Variants in CSMD1 observed in about 807,000 individuals in gnomAD.
CSMD1 encodes the protein CUB and sushi domain-containing protein 1.
A neutral mutation model predicts 417.5 loss-of-function variants in CSMD1; 213 were observed. The ratio of observed to expected loss-of-function variants is 0.51; its 90% CI spans 0.46 to 0.57. The LOEUF is 0.57. Among genes scored for constraint, CSMD1 ranks in the 20% least tolerant of loss-of-function variants. The probability of loss-of-function intolerance (pLI) is 0.00; values close to 1 mark genes in which losing one functional copy is unlikely to be tolerated. For missense variants in CSMD1, 6,923 were observed against 4,529.7 expected, an observed-to-expected ratio of 1.53 and a Z score of -15.17; for synonymous variants, 2,862 against 1,736.8, an observed-to-expected ratio of 1.65 and a Z score of -16.11.
intron 26 of CSMD1, among the ~76,000 whole-genome samples, chr8:3,260,456 A>G (rs1417813856): frequency 6.6e-6 from 1 of 151,978 alleles, no homozygotes. Flanking sequence ...CTCAGCCCAG[A>G]CTCCAGAGGA....
chr8:4,188,884 T>G (rs961065708), intron 3 of CSMD1, among the ~76,000 whole-genome samples: 4 of 152,066 alleles, frequency 2.6e-5, no homozygotes, highest in African/African-American at 9.7e-5. Context: ...TCTATGGATC[T>G]GCCTGATGAA....
Position 4,892,409 on chromosome 8 carries a change from C to T in CSMD1, c.85+101923G>A, listed in dbSNP as rs138506745. On this transcript the variant is annotated intron_variant, in intron 1 of 69. Transcript: ENST00000635120. ...TGAGAATCCTGAGCTTACAGCCCTG[C>T]GTCCTGTGTCCCTCTACTGCAAATA... 3.1e-3 allele frequency among the ~76,000 whole-genome samples: 478 copies of T among 152,088 alleles called. 4 individuals carry two copies. The Middle Eastern group carries it at 0.054, about 17-fold the overall frequency.
intron 2 of CSMD1, among the ~76,000 whole-genome samples, chr8:4,454,573 T>G (rs142269549): frequency 1.8e-4 from 28 of 152,152 alleles, no homozygotes; most frequent in African/African-American, 6.8e-4. Flanking sequence ...GTAGACCCAA[T>G]GCAGCACTGA....
chr8:3,278,764 C>G (rs1221277596), intron 26 of CSMD1: 1 of 152,058 alleles, frequency 6.6e-6, no homozygotes, highest in Non-Finnish European at 1.5e-5. Context: ...GTGTGATGGA[C>G]AGGCTGTTTT....
intron 5 of CSMD1, 105 bp downstream of exon 5, chr8:3,997,798 G>T (rs1585104195): frequency 9.9e-7 from 1 of 1,007,038 alleles, no homozygotes; most frequent in Non-Finnish European, 1.5e-6. Context: ...GAACACACAT[G>T]CTTGCCCATG....
chr8:3,880,215 T>C (rs1029050982), intron 5 of CSMD1, among the ~76,000 whole-genome samples: 4 of 152,166 alleles, frequency 2.6e-5, no homozygotes, highest in Non-Finnish European at 4.4e-5. Context: ...AATAATGCAA[T>C]TTCAGGTGCA....
rs191372954 is a variant in CSMD1 at position 4,584,505 on chromosome 8, C to T, written c.302+52837G>A. Among the ~76,000 whole-genome samples the T allele has an allele frequency of 7.3e-5, 11 of 150,978 alleles. 1 individual carries two copies. The East Asian group carries it at 2.1e-3, about 29-fold the overall frequency. On this transcript the variant is annotated intron_variant, in intron 2 of 69. Transcript: ENST00000635120. Reference sequence around the variant, plus strand: ...GTGTCAGGCTTTCTGGGAAAGGGCTCTCTAACAACCCCCAACTCTTCGGAG... The same window carrying T: ...GTGTCAGGCTTTCTGGGAAAGGGCTTTCTAACAACCCCCAACTCTTCGGAG...
chr8:3,931,750 G>T lies in CSMD1; in HGVS notation c.818+66153C>A, dbSNP rs2554660. On this transcript the variant is annotated intron_variant, in intron 5 of 69. Transcript: ENST00000635120. ...GCTTTAATCTCAATCCACACCAGAG[G>T]AAACAAGGTGAGCAAGGAGCACCTA... is the stretch of plus-strand genomic sequence containing the variant. Among the ~76,000 whole-genome samples, 3 of 147,744 alleles carry T rather than the reference G, an allele frequency of 2.0e-5. No individual in the cohort carries two copies. In the East Asian group the frequency reaches 6.1e-4, roughly 30 times the overall value.
At chr8:3,204,033 T>A (rs1585645392) in intron 31 of CSMD1, among the ~76,000 whole-genome samples, 3 of 152,328 alleles carry the variant, frequency 2.0e-5, no homozygotes, top group Admixed American at 2.0e-4. Flanking sequence ...GTTTAGTTAA[T>A]TAGTTTATTT....
intron 5 of CSMD1, among the ~76,000 whole-genome samples, chr8:3,862,702 T>C (rs1054920486): frequency 6.6e-6 from 1 of 152,188 alleles, no homozygotes; most frequent in Admixed American, 6.5e-5. Flanking sequence ...GGAATTCAAA[T>C]GATCTCCAAA....
At chr8:3,669,314 T>G (rs941714579) in intron 7 of CSMD1, among the ~76,000 whole-genome samples, 1 of 152,174 alleles carries the variant, frequency 6.6e-6, no homozygotes, top group Non-Finnish European at 1.5e-5. Flanking sequence ...CCTGTTTGTG[T>G]GAGCAATTAT....
intron 7 of CSMD1, among the ~76,000 whole-genome samples, chr8:3,685,636 C>G (rs1329620686): frequency 6.6e-6 from 1 of 152,136 alleles, no homozygotes; most frequent in Non-Finnish European, 1.5e-5. Flanking sequence ...TTCTTTGAGA[C>G]TGTTTTTAGA....
At chr8:4,309,942 G>A (rs773089598) in intron 3 of CSMD1, among the ~76,000 whole-genome samples, 14 of 152,090 alleles carry the variant, frequency 9.2e-5, no homozygotes, top group African/African-American at 2.7e-4. Context: ...CATGATAGTC[G>A]ATTATAGTTA....
intron 1 of CSMD1, among the ~76,000 whole-genome samples, chr8:4,976,302 G>A (rs1488589752): frequency 6.6e-6 from 1 of 152,160 alleles, no homozygotes; most frequent in African/African-American, 2.4e-5. Context: ...GTATGGAGTA[G>A]CTACCTCAGA....
intron 2 of CSMD1, among the ~76,000 whole-genome samples, chr8:4,458,299 CTTTTT>C (rs376555718): frequency 1.3e-5 from 2 of 150,542 alleles, no homozygotes; most frequent in African/African-American, 4.9e-5. Flanking sequence ...CTTTCTCCCT[CTTTTT>C]TTTTGTGTGC....
At chr8:4,088,727 A>T (rs1800558063) in intron 3 of CSMD1, among the ~76,000 whole-genome samples, 1 of 151,796 alleles carries the variant, frequency 6.6e-6, no homozygotes, top group African/African-American at 2.4e-5. Flanking sequence ...CTCTGCAGGG[A>T]CTTCTCTAAG....
intron 50 of CSMD1, among the ~76,000 whole-genome samples, chr8:3,033,333 A>G (rs1426482184): frequency 6.6e-6 from 1 of 152,128 alleles, no homozygotes; most frequent in Non-Finnish European, 1.5e-5. Flanking sequence ...TTTTATTGGT[A>G]AGACACCAAT....
At chr8:4,723,870 C>G (rs1809237934) in intron 1 of CSMD1, among the ~76,000 whole-genome samples, 2 of 151,626 alleles carry the variant, frequency 1.3e-5, no homozygotes, top group East Asian at 1.9e-4. Context: ...ATTGCCTTCC[C>G]AAAACTAACT....
intron 3 of CSMD1, among the ~76,000 whole-genome samples, chr8:4,036,338 A>AAAAC (rs1563346606): frequency 3.6e-5 from 5 of 139,930 alleles, no homozygotes; most frequent in African/African-American, 1.3e-4. Context: ...AAATTTAAAG[A>AAAAC]GGGACCCCTC....
Sources: allele counts gnomAD v4.1 joint callset (sites outside exome capture counted in the v4.1 genomes callset), GRCh38; gene constraint gnomAD v4.1.1; transcripts MANE v1.5; gene names NCBI Gene and HGNC (gene_info 2026-07-23, HGNC 2026-07-21).